The following FRY variants were observed in gnomAD, a reference collection of about 807,000 sequenced individuals.
The protein encoded by FRY is protein furry homolog.
In FRY, 128 loss-of-function variants were observed where a neutral mutation model predicts 348.4. The ratio of observed to expected loss-of-function variants is 0.37; its 90% CI spans 0.32 to 0.43. FRY has a LOEUF of 0.43. FRY is among the 20% of genes least tolerant of loss of function. The probability of loss-of-function intolerance (pLI) is 1.00; values close to 1 mark genes in which losing one functional copy is unlikely to be tolerated. For synonymous variants in FRY, 1,370 were observed against 1,374.7 expected (o/e 1.00, Z 0.08); for missense variants, 2,736 against 3,695.2 (o/e 0.74, Z 6.73).
At position 32,254,213 on chromosome 13, in the gene FRY, T is replaced by C; in HGVS notation, c.7246-11T>C. On this transcript the variant is annotated splice_polypyrimidine_tract_variant and intron_variant, in intron 50 of 60. Coordinates refer to ENST00000542859, the MANE Select transcript of FRY (RefSeq NM_023037.3). ...AGAACGGTTTCTCAGGAGAGGACTC[T>C]TGATTCGCAGGTGATTTTTTCATCG... The C allele has an allele frequency of 1.2e-6, 2 of 1,613,750 alleles. No homozygotes were observed. The highest frequency in any genetic ancestry group is 1.7e-6 in the Non-Finnish European group (2 of 1,179,848).
Position 32,249,578 on chromosome 13 carries a change from A to T in FRY, c.7061A>T (p.Asp2354Val). 2 of 1,614,062 alleles carry T rather than the reference A, an allele frequency of 1.2e-6. No individual in the cohort carries two copies. The highest frequency in any genetic ancestry group is 1.7e-6 in the Non-Finnish European group (2 of 1,179,930). ...GAGCTGCAGAATTCTTCTGGGCGTG[A>T]TGGGAAGCCCAGGGCCATGGCCGTC... is the stretch of plus-strand genomic sequence containing the variant. ...YDELQNSSGR[D>V]GKPRAMAVTR... The change falls in exon 49 of 61, where the codon GAT (aspartate) becomes GTT (valine). Residue 2354 changes from aspartate to valine, a missense_variant. By Grantham distance (152) the Asp-to-Val change is radical (BLOSUM62 -3). Coordinates refer to ENST00000542859, the MANE Select transcript of FRY (RefSeq NM_023037.3).
Position 32,189,915 on chromosome 13 carries a change from G to A in FRY, c.3591+2259G>A, listed in dbSNP as rs576874306. Among the ~76,000 whole-genome samples the A allele has an allele frequency of 3.3e-5, 5 of 152,020 alleles. No homozygotes were observed. The East Asian group carries it at 9.6e-4, about 29-fold the overall frequency. ...ATACAAAACTTTAAATAAAATATTA[G>A]AAAATTGAATTTAATGATATAGAAA... is the stretch of plus-strand genomic sequence containing the variant. On this transcript the variant is annotated intron_variant, in intron 28 of 60. Coordinates refer to ENST00000542859, the MANE Select transcript of FRY (RefSeq NM_023037.3).
intron 60 of FRY, 54 bp from the exon 61 acceptor site, chr13:32,295,148 C>T (rs1889570209): frequency 1.3e-6 from 2 of 1,568,002 alleles, no homozygotes; most frequent in Admixed American, 1.7e-5. Context: ...CTCATAAGCT[C>T]CCAACTTTGT....
At position 32,117,457 on chromosome 13, in the gene FRY, A is replaced by T; in HGVS notation, c.448A>T (p.Ser150Cys). The T allele has an allele frequency of 6.2e-7, 1 of 1,613,848 alleles. No homozygotes were observed. Among genetic ancestry groups the T allele is most frequent in the Non-Finnish European group, 8.5e-7 (1 of 1,179,730 alleles). The change falls in exon 4 of 61, where the codon AGC (serine) becomes TGC (cysteine). Residue 150 changes from serine to cysteine, a missense_variant. Physicochemically the swap from Ser to Cys is moderately radical, Grantham distance 112 (BLOSUM62 -1). Around this residue, in one of 9 missense-constraint regions of FRY, gnomAD observed 309 missense variants for 418.1 expected, o/e 0.74. Coordinates refer to ENST00000542859, the MANE Select transcript of FRY (RefSeq NM_023037.3). ...ATCACATGAATACAGACCAAGAACA[A>T]GCAATAAATCAAAAAGGTACATTTC... ...DESHEYRPRT[S>C]NKSKSDEQQR...
At chr13:32,121,936 A>G (rs2138713769) in intron 4 of FRY, among the ~76,000 whole-genome samples, 1 of 152,310 alleles carries the variant, frequency 6.6e-6, no homozygotes, top group Non-Finnish European at 1.5e-5. Flanking sequence ...TCCTTAATCC[A>G]TCTTGAGTTG....
At chr13:32,033,196 A>C (rs1176039708) in intron 1 of FRY, among the ~76,000 whole-genome samples, 1 of 152,214 alleles carries the variant, frequency 6.6e-6, no homozygotes, top group African/African-American at 2.4e-5. Flanking sequence ...TAAATCATTT[A>C]ACTTGGACTC....
At chr13:32,256,368 T>C (rs572008745) in intron 51 of FRY, among the ~76,000 whole-genome samples, 1 of 152,116 alleles carries the variant, frequency 6.6e-6, no homozygotes, top group South Asian at 2.1e-4. Context: ...CAAGACCCTG[T>C]CTCTACAAAA....
rs528242434 is a variant in FRY at position 32,203,526 on chromosome 13, C to A, written c.4018+999C>A. ...TCACCTGAGGTCAGGAGTTTGAGAC[C>A]AGCCTGGCTAACATGGTGAAACCCC... On this transcript the variant is annotated intron_variant, in intron 31 of 60. Coordinates refer to ENST00000542859, the MANE Select transcript of FRY (RefSeq NM_023037.3). 2.0e-5 allele frequency among the ~76,000 whole-genome samples: 3 copies of A among 152,204 alleles called. No homozygotes were observed. In the East Asian group the frequency reaches 5.8e-4, roughly 29 times the overall value.
chr13:32,243,896 A>C (rs1269177634), intron 46 of FRY, 146 bp from the exon 47 acceptor site: 2 of 829,082 alleles, frequency 2.4e-6, no homozygotes, highest in Non-Finnish European at 3.9e-6. Flanking sequence ...GTTCGAGACT[A>C]GGCTGGGCAA....
intron 35 of FRY, among the ~76,000 whole-genome samples, chr13:32,217,401 T>C (rs1399258955): frequency 1.3e-5 from 2 of 152,180 alleles, no homozygotes; most frequent in African/African-American, 4.8e-5. Context: ...TTGATTTCTT[T>C]CTAGAAATCC....
At chr13:32,061,992 G>A (rs975933909) in intron 1 of FRY, among the ~76,000 whole-genome samples, 1 of 152,032 alleles carries the variant, frequency 6.6e-6, no homozygotes, top group African/African-American at 2.4e-5. Flanking sequence ...CAAGGAGAAA[G>A]ATTTTGTTTA....
intron 2 of FRY, among the ~76,000 whole-genome samples, chr13:32,083,102 T>G (rs1461939138): frequency 6.6e-6 from 1 of 152,150 alleles, no homozygotes; most frequent in Non-Finnish European, 1.5e-5. Flanking sequence ...TATGCTACAT[T>G]GCATATCTTT....
At position 32,196,942 on chromosome 13, in the gene FRY, A is replaced by G. The variant is rs548603348; in HGVS notation, c.3746+2645A>G. 2.6e-5 allele frequency among the ~76,000 whole-genome samples: 4 copies of G among 152,314 alleles called. No individual in the cohort carries two copies. The South Asian group carries it at 8.3e-4, about 32-fold the overall frequency. Reference sequence around the variant, plus strand: ...TCCAAATGAGATTAGAATAAGATAGATAAGGAAATTGAGAAAGAAACTAAA... The same window carrying G: ...TCCAAATGAGATTAGAATAAGATAGGTAAGGAAATTGAGAAAGAAACTAAA... On this transcript the variant is annotated intron_variant, in intron 29 of 60. Coordinates refer to ENST00000542859, the MANE Select transcript of FRY (RefSeq NM_023037.3).
chr13:32,239,903 T>C lies in FRY; in HGVS notation c.6687+22T>C, dbSNP rs1260810560. The C allele has an allele frequency of 6.2e-7, 1 of 1,608,436 alleles. No homozygotes were observed. The highest frequency in any genetic ancestry group is 1.1e-5 in the South Asian group (1 of 90,750). ...AGAGGTAAGCTTTTTTTTTTTGTTT[T>C]TTGAGACAGGGTCTCATTATGTTGC... is the stretch of plus-strand genomic sequence containing the variant. On this transcript the variant is annotated intron_variant, in intron 46 of 60. Transcript: ENST00000542859. This position sits in a 1 kb window ranked among gnomAD's most constrained non-coding sequence, Gnocchi z 4.3.
intron 7 of FRY, among the ~76,000 whole-genome samples, chr13:32,129,003 T>C (rs1879194103): frequency 6.6e-6 from 1 of 152,198 alleles, no homozygotes; most frequent in Non-Finnish European, 1.5e-5. Flanking sequence ...GCAGGGTTGA[T>C]TCCTTCTGAG....
At chr13:32,247,292 T>C in intron 47 of FRY, 31 bp from the exon 48 acceptor site, 5 of 1,573,996 alleles carry the variant, frequency 3.2e-6, no homozygotes, top group Non-Finnish European at 4.4e-6. Context: ...ATTAAATTAT[T>C]TTTAACCCTT....
chr13:32,059,852 A>G (rs1001019337), intron 1 of FRY, among the ~76,000 whole-genome samples: 6 of 152,172 alleles, frequency 3.9e-5, no homozygotes, highest in African/African-American at 1.4e-4. Context: ...TAAAATGTAA[A>G]CCAAATACCA....
In FRY at chr13:32,218,844, A is replaced by G. The variant is rs1308704181; in HGVS notation, c.4765+13A>G. ...GATGAAGATAAAAGTAAGTACCAAC[A>G]GGCTGTGGGCTTTCAGACGGAACGC... On this transcript the variant is annotated intron_variant, in intron 36 of 60. Coordinates refer to ENST00000542859, the MANE Select transcript of FRY (RefSeq NM_023037.3). 3.4e-6 allele frequency: 5 copies of G among 1,486,872 alleles called. No individual in the cohort carries two copies. The highest frequency in any genetic ancestry group is 3.8e-6 in the Non-Finnish European group (4 of 1,064,150). The allele number at this position is 1,486,872 out of a possible 1,614,324, so 92.1% of individuals were successfully genotyped here. A position where few individuals can be genotyped will look rare whatever the true frequency, so the allele number is the denominator to read the frequency against.
intron 2 of FRY, among the ~76,000 whole-genome samples, chr13:32,092,183 T>A (rs145357601): frequency 2.7e-3 from 405 of 152,370 alleles, no homozygotes; most frequent in African/African-American, 8.6e-3. Context: ...ATACTTTGGA[T>A]CTTTCTAGAT....
Sources: gnomAD v4.1 joint callset for allele counts (sites outside exome capture counted in the v4.1 genomes callset) on GRCh38, gnomAD v4.1.1 for gene constraint, gnomAD v4.1.1 regional missense constraint, Gnocchi (gnomAD v3.1) non-coding constraint, MANE v1.5 for transcripts, NCBI Gene and HGNC (gene_info 2026-07-23, HGNC 2026-07-21) for gene names.